ZNF407: variants seen among roughly 807,000 people sequenced by gnomAD.
The protein encoded by ZNF407 is zinc finger protein 407.
In ZNF407, 17 loss-of-function variants were observed where a neutral mutation model predicts 131.2. That is an observed-to-expected ratio of 0.13 (90% confidence interval 0.09 to 0.19). ZNF407 has a LOEUF of 0.19. Ranked by LOEUF, ZNF407 falls within the 10% of genes least tolerant of loss-of-function variation. The pLI is 1.00. For synonymous variants in ZNF407, 1,156 were observed against 1,062.0 expected (o/e 1.09, Z -1.72); for missense variants, 2,681 against 2,830.6 (o/e 0.95, Z 1.20).
chr18:74,779,678 C>T (rs1258285447), intron 3 of ZNF407, among the ~76,000 whole-genome samples: 2 of 152,130 alleles, frequency 1.3e-5, no homozygotes, highest in Non-Finnish European at 2.9e-5. Flanking sequence ...CTTTTTCTCC[C>T]TATTTCCTCT....
intron 7 of ZNF407, among the ~76,000 whole-genome samples, chr18:74,917,090 T>G (rs991170684): frequency 6.6e-6 from 1 of 152,072 alleles, no homozygotes; most frequent in Non-Finnish European, 1.5e-5. Flanking sequence ...AGTGGAGAGA[T>G]AGATCATATA....
At chr18:74,732,702 T>TA (rs1164526799) in intron 3 of ZNF407, among the ~76,000 whole-genome samples, 2 of 152,236 alleles carry the variant, frequency 1.3e-5, no homozygotes, top group African/African-American at 4.8e-5. Context: ...TGACTTTGTT[T>TA]AAAATGTACT....
At chr18:74,675,607 T>C (rs918702302) in intron 3 of ZNF407, among the ~76,000 whole-genome samples, 1 of 152,234 alleles carries the variant, frequency 6.6e-6, no homozygotes. Context: ...CTGTCTTTTC[T>C]GTGCTGTCTT....
At chr18:74,721,006 A>G (rs545380590) in intron 3 of ZNF407, among the ~76,000 whole-genome samples, 5 of 144,042 alleles carry the variant, frequency 3.5e-5, no homozygotes, top group African/African-American at 5.2e-5. Flanking sequence ...ACATTTTCAG[A>G]GTTTTTTTTT....
chr18:74,867,371 G>T (rs1971027839), intron 4 of ZNF407, among the ~76,000 whole-genome samples: 1 of 152,090 alleles, frequency 6.6e-6, no homozygotes, highest in Non-Finnish European at 1.5e-5. Context: ...TAAACAGTTT[G>T]TGGAATAGTT....
At chr18:74,662,765 CTTGT>C (rs1338404180) in intron 3 of ZNF407, among the ~76,000 whole-genome samples, 1 of 152,120 alleles carries the variant, frequency 6.6e-6, no homozygotes, top group Admixed American at 6.5e-5. Flanking sequence ...AACTTGAAGG[CTTGT>C]TTAAGTGTCT....
At chr18:74,803,925 A>C in intron 4 of ZNF407, 2 of 1,548,638 alleles carry the variant, frequency 1.3e-6, no homozygotes, top group East Asian at 2.4e-5. Context: ...CCTTGAAAAC[A>C]TGAAGCAATT....
chr18:74,914,206 C>T (rs1042627826), intron 7 of ZNF407, among the ~76,000 whole-genome samples: 1 of 152,120 alleles, frequency 6.6e-6, no homozygotes, highest in Non-Finnish European at 1.5e-5. Context: ...TCCTGCTCGT[C>T]GTGAGGAACG....
intron 1 of ZNF407, among the ~76,000 whole-genome samples, chr18:74,605,820 A>T (rs879631481): frequency 5.3e-5 from 8 of 152,222 alleles, no homozygotes; most frequent in Non-Finnish European, 8.8e-5. Context: ...GTACGTCATT[A>T]ACTAGCCAAA....
In ZNF407 at chr18:74,998,018, G is replaced by A. The variant is rs183494281; in HGVS notation, c.5429-65132G>A. On this transcript the variant is annotated intron_variant, in intron 8 of 8. Transcript: ENST00000299687. ...CTTGTGCAGCCTTTGCAGCACCTGCGGAATGTGCAAGTGATGTTCCTCATC... is the reference window on the plus strand; with the variant it reads ...CTTGTGCAGCCTTTGCAGCACCTGCAGAATGTGCAAGTGATGTTCCTCATC... Among the ~76,000 whole-genome samples the A allele has an allele frequency of 1.6e-4, 25 of 152,222 alleles. No individual in the cohort carries two copies. In the East Asian group the frequency reaches 3.1e-3, roughly 19 times the overall value.
intron 3 of ZNF407, among the ~76,000 whole-genome samples, chr18:74,678,045 T>A (rs1411254601): frequency 6.6e-6 from 1 of 152,192 alleles, no homozygotes; most frequent in Non-Finnish European, 1.5e-5. Flanking sequence ...CATCTTGAAC[T>A]CCTGACCTCA....
intron 4 of ZNF407, chr18:74,804,246 A>G: frequency 4.9e-6 from 6 of 1,229,530 alleles, no homozygotes; most frequent in Non-Finnish European, 6.1e-6. Context: ...TCTGGAAGGA[A>G]CTGTTATTTT....
rs545907422 is a variant in ZNF407, at chr18:74,642,675, G to A, written c.4802+1553G>A. On this transcript the variant is annotated intron_variant, in intron 3 of 8. Transcript: ENST00000299687. ...AATTTGAACAGTGCCCACCCTGCTCGCTAACTGCTTACCTCATACAACTGA... is the reference window on the plus strand; with the variant it reads ...AATTTGAACAGTGCCCACCCTGCTCACTAACTGCTTACCTCATACAACTGA... Among the ~76,000 whole-genome samples, 5 of 151,984 alleles carry A rather than the reference G, an allele frequency of 3.3e-5. No homozygotes were observed. The South Asian group carries it at 6.2e-4, about 19-fold the overall frequency.
At chr18:74,727,453 G>A (rs1018592768) in intron 3 of ZNF407, among the ~76,000 whole-genome samples, 5 of 152,102 alleles carry the variant, frequency 3.3e-5, no homozygotes, top group Admixed American at 1.3e-4. Context: ...TATCGTTTGC[G>A]TTGAGTATTA....
intron 3 of ZNF407, among the ~76,000 whole-genome samples, chr18:74,694,904 T>C (rs982336992): frequency 2.0e-5 from 3 of 152,200 alleles, no homozygotes; most frequent in Admixed American, 6.5e-5. Flanking sequence ...TATAGAGTTA[T>C]ACAATTCTGT....
At chr18:74,966,379 T>A (rs974755778) in intron 8 of ZNF407, among the ~76,000 whole-genome samples, 1 of 152,236 alleles carries the variant, frequency 6.6e-6, no homozygotes, top group Admixed American at 6.5e-5. Flanking sequence ...TTCTTCTGCA[T>A]GTGGATATCT....
In ZNF407 at chr18:75,064,469, G is replaced by A. The variant is rs555433103; in HGVS notation, c.*1G>A. 6.8e-7 allele frequency: 1 copy of A among 1,477,886 alleles called. No individual in the cohort carries two copies. Among genetic ancestry groups the A allele is most frequent in the Non-Finnish European group, 9.0e-7 (1 of 1,110,638 alleles). The allele number at this position is 1,477,886 out of a possible 1,614,324, so 91.5% of individuals were successfully genotyped here. The stretch of plus-strand genomic sequence containing the variant: ...AAGCAGCGAACTCCAGGAAGCATGA[G>A]ACGCGCGGCACCTTTACTCAGCACA... On this transcript the variant is annotated 3_prime_UTR_variant, in exon 9 of 9. Coordinates refer to ENST00000299687, the MANE Select transcript of ZNF407 (RefSeq NM_017757.3).
chr18:74,935,136 A>T (rs539287103), intron 8 of ZNF407, among the ~76,000 whole-genome samples: 1 of 152,232 alleles, frequency 6.6e-6, no homozygotes, highest in Non-Finnish European at 1.5e-5. Context: ...AGACTGTTTT[A>T]AAGAATCCAT....
At chr18:74,969,990 T>A (rs1972453934) in intron 8 of ZNF407, among the ~76,000 whole-genome samples, 1 of 152,060 alleles carries the variant, frequency 6.6e-6, no homozygotes, top group African/African-American at 2.4e-5. Flanking sequence ...TGGGGAGGTC[T>A]CAGAATCTTA....
Sources: gnomAD v4.1 joint callset for allele counts (sites outside exome capture counted in the v4.1 genomes callset) on GRCh38, gnomAD v4.1.1 for gene constraint, MANE v1.5 for transcripts, NCBI Gene and HGNC (gene_info 2026-07-23, HGNC 2026-07-21) for gene names.